The following AMZ2 variants were observed in gnomAD, a reference collection of about 807,000 sequenced individuals.
AMZ2 encodes archaelysin family metallopeptidase 2, also known as archaemetzincin-2.
AMZ2 carries 26 observed loss-of-function variants against 36.7 expected under a neutral mutation model. That is an observed-to-expected ratio of 0.71 (90% CI 0.52 to 0.98). The LOEUF is 0.98. AMZ2 is among the 50% of genes least tolerant of loss of function. The pLI is 0.00. For synonymous variants in AMZ2, 144 were observed against 149.1 expected (o/e 0.97, Z 0.25); for missense variants, 394 against 430.5 (o/e 0.92, Z 0.75).
In AMZ2 at chr17:68,235,833, C is replaced by CT. The variant is rs72439805; in HGVS notation, c.-66-12794dup. On this transcript the variant is annotated intron_variant, in intron 1 of 7. Transcript: ENST00000674770. This position sits in a 1 kb window ranked among gnomAD's most constrained non-coding sequence, Gnocchi z 4.2. ...CTCCAAGACTTAGCCCAAAATCTTA[C>CT]TTTTTTTTTTTTTCGAGATAGTTTC... is the stretch of plus-strand genomic sequence containing the variant. Among the ~76,000 whole-genome samples, 69 of 146,390 alleles carry CT rather than the reference C, an allele frequency of 4.7e-4. No homozygotes were observed. Among genetic ancestry groups the CT allele is most frequent in the Admixed American group, 5.4e-4 (8 of 14,690 alleles).
chr17:68,219,122 T>G (rs1466133885), intron 1 of AMZ2, among the ~76,000 whole-genome samples: 1 of 152,058 alleles, frequency 6.6e-6, no homozygotes, highest in Non-Finnish European at 1.5e-5. Flanking sequence ...GGATTACAGG[T>G]GCACCTGGCT....
At chr17:68,217,352 A>G (rs1555727539) in intron 1 of AMZ2, among the ~76,000 whole-genome samples, 1 of 152,188 alleles carries the variant, frequency 6.6e-6, no homozygotes, top group Non-Finnish European at 1.5e-5. Context: ...ATTTAAGTTT[A>G]TTTGCTTTAA....
intron 1 of AMZ2, among the ~76,000 whole-genome samples, chr17:68,209,632 A>ATATGTATATATATTT: frequency 5.2e-4 from 47 of 90,670 alleles, no homozygotes; most frequent in Middle Eastern, 0.013. Flanking sequence ...ATATATATAT[A>ATATGTATATATATTT]TTTTTTTTTT....
chr17:68,229,006 C>T (rs188006882), intron 1 of AMZ2, among the ~76,000 whole-genome samples: 13 of 152,346 alleles, frequency 8.5e-5, no homozygotes, highest in Non-Finnish European at 1.6e-4. Flanking sequence ...CTCTGGCCTC[C>T]GTGGCCAGGT....
At position 68,248,101 on chromosome 17, in the gene AMZ2, G is replaced by C. The variant is rs1652164321; in HGVS notation, c.-605G>C. The C allele has an allele frequency of 1.0e-6, 1 of 986,302 alleles. No individual in the cohort carries two copies. Among genetic ancestry groups the C allele is most frequent in the Admixed American group, 6.1e-5 (1 of 16,272 alleles). The allele number at this position is 986,302 out of a possible 1,614,324, so 61.1% of individuals were successfully genotyped here. A position where few individuals can be genotyped will look rare whatever the true frequency, so the allele number is the denominator to read the frequency against. ...GGCTGCCGCGGGTGGGTGGTATCGA[G>C]GCCTGTCGGGTCAGGGCGGTTCGCG... On this transcript the variant is annotated 5_prime_UTR_variant, in exon 1 of 7. Coordinates refer to ENST00000359904, the MANE Select transcript of AMZ2 (RefSeq NM_016627.5).
chr17:68,251,325 C>G (rs2074453543), intron 4 of AMZ2, 147 bp downstream of exon 4: 2 of 894,818 alleles, frequency 2.2e-6, no homozygotes, highest in Non-Finnish European at 3.3e-6. Context: ...GGGAAGTGTG[C>G]TGTTGGTAGA....
intron 1 of AMZ2, among the ~76,000 whole-genome samples, chr17:68,227,652 C>T (rs1236103289): frequency 6.6e-6 from 1 of 152,178 alleles, no homozygotes; most frequent in Admixed American, 6.6e-5. Flanking sequence ...TCTGCTCCAT[C>T]TTCACACGGC....
rs782541022 is a variant in AMZ2, at chr17:68,255,818, C to G, written c.869C>G (p.Pro290Arg). ...EADRRPLNLC[P>R]ICLHKLQCAV... ...GACCGGCGCCCTCTAAACCTTTGCCCTATCTGTTTGCACAAGTTGCAGTGT... is the reference window on the plus strand; with the variant it reads ...GACCGGCGCCCTCTAAACCTTTGCCGTATCTGTTTGCACAAGTTGCAGTGT... The change falls in exon 6 of 7, where the codon CCT becomes CGT. Residue 290 changes from proline (P) to arginine (R), a missense_variant. By Grantham distance (103) the Pro-to-Arg change is moderately radical (BLOSUM62 -2). Transcript: ENST00000359904. 3 of 1,613,980 alleles carry G rather than the reference C, an allele frequency of 1.9e-6. No homozygotes were observed. The Admixed American group carries it at 5.0e-5, about 27-fold the overall frequency.
chr17:68,248,227 G>A lies in AMZ2; in HGVS notation c.-479G>A. Reference sequence around the variant, plus strand: ...GGAGCGGGATGAGGATGTAGGAGGGGCGGACGTGGCGGAAGCCGCGGGGTC... The same window carrying A: ...GGAGCGGGATGAGGATGTAGGAGGGACGGACGTGGCGGAAGCCGCGGGGTC... On this transcript the variant is annotated 5_prime_UTR_variant, in exon 1 of 7. Coordinates refer to ENST00000359904, the MANE Select transcript of AMZ2 (RefSeq NM_016627.5). The A allele has an allele frequency of 1.0e-6, 1 of 985,932 alleles. No individual in the cohort carries two copies. Among genetic ancestry groups the A allele is most frequent in the Non-Finnish European group, 1.2e-6 (1 of 830,202 alleles). 61.1% of individuals were successfully genotyped at this position (985,932 alleles called of 1,614,324 possible).
chr17:68,241,908 CTT>C (rs781855396), intron 1 of AMZ2, among the ~76,000 whole-genome samples: 12 of 116,098 alleles, frequency 1.0e-4, no homozygotes, highest in Admixed American at 1.7e-4. Context: ...TTTTCTTTTT[CTT>C]TTTTTTTTTT....
At chr17:68,215,183 A>C (rs2073165522) in intron 1 of AMZ2, among the ~76,000 whole-genome samples, 1 of 152,220 alleles carries the variant, frequency 6.6e-6, no homozygotes, top group Non-Finnish European at 1.5e-5. Context: ...ACAATACATA[A>C]GGTTTTAAAT....
upstream of AMZ2, among the ~76,000 whole-genome samples, chr17:68,242,998 C>T (rs1214264132): frequency 6.8e-6 from 1 of 147,424 alleles, no homozygotes; most frequent in Non-Finnish European, 1.5e-5. Context: ...GAGCCGTGAT[C>T]ACACTACTGT....
At chr17:68,247,387 G>A (rs1214518331), upstream of AMZ2, 1 of 139,234 alleles carries the variant, frequency 7.2e-6, no homozygotes, top group African/African-American at 3.0e-5. Flanking sequence ...GAATGGCGAG[G>A]CCCAGAGAGA....
intron 4 of AMZ2, among the ~76,000 whole-genome samples, chr17:68,252,724 G>A (rs1167359764): frequency 8.6e-5 from 13 of 151,978 alleles, no homozygotes; most frequent in Non-Finnish European, 1.5e-4. Context: ...GGATCTCCCT[G>A]TGTTGGTCAA....
At chr17:68,226,978 G>A (rs1338764928) in intron 1 of AMZ2, among the ~76,000 whole-genome samples, 5 of 149,698 alleles carry the variant, frequency 3.3e-5, no homozygotes, top group African/African-American at 1.0e-4. Context: ...CCATCACCCC[G>A]TGGCTGAGTT....
chr17:68,241,050 A>G (rs1439390933), intron 1 of AMZ2, among the ~76,000 whole-genome samples: 1 of 152,214 alleles, frequency 6.6e-6, no homozygotes, highest in Non-Finnish European at 1.5e-5. Context: ...GGGATCCAAC[A>G]GAGCAAAGTG....
At chr17:68,229,768 A>C (rs1188407407) in intron 1 of AMZ2, among the ~76,000 whole-genome samples, 1 of 152,172 alleles carries the variant, frequency 6.6e-6, no homozygotes, top group Non-Finnish European at 1.5e-5. Context: ...AATGAGTTGG[A>C]GATGTGGCTT....
Position 68,252,879 on chromosome 17 carries a change from A to G in AMZ2, c.587-1525A>G, listed in dbSNP as rs149782633. ...TTATCTAGATATTGCTAGCTAACTT[A>G]TCTTATGTGTTTGAGGAGGTCAGGA... On this transcript the variant is annotated intron_variant, in intron 4 of 6. Transcript: ENST00000359904. 8.5e-5 allele frequency among the ~76,000 whole-genome samples: 13 copies of G among 152,298 alleles called. No individual in the cohort carries two copies. The East Asian group carries it at 2.5e-3, about 29-fold the overall frequency.
intron 1 of AMZ2, among the ~76,000 whole-genome samples, chr17:68,212,054 G>A (rs1412689024): frequency 2.0e-5 from 3 of 151,874 alleles, no homozygotes; most frequent in Non-Finnish European, 4.4e-5. Context: ...ATGGCTTGCT[G>A]ATTTTCTTTT....
Sources: gnomAD v4.1 joint callset for allele counts (sites outside exome capture counted in the v4.1 genomes callset) on GRCh38, gnomAD v4.1.1 for gene constraint, Gnocchi (gnomAD v3.1) non-coding constraint, MANE v1.5 for transcripts, NCBI Gene and HGNC (gene_info 2026-07-23, HGNC 2026-07-21) for gene names.